The following MTCL1 variants were observed in gnomAD, a reference collection of about 807,000 sequenced individuals.
MTCL1 encodes the protein microtubule cross-linking factor 1.
Under a neutral mutation model 141.4 loss-of-function variants are expected in MTCL1, and 79 were observed. The observed-to-expected ratio is 0.56, with a 90% CI of 0.47 to 0.67. The LOEUF is 0.67. MTCL1 is among the 30% of genes least tolerant of loss of function. The pLI, the probability that MTCL1 is intolerant of heterozygous loss-of-function variation, is 0.00. For synonymous variants in MTCL1, 914 were observed against 875.8 expected (o/e 1.04, Z -0.77); for missense variants, 2,177 against 2,113.9 (o/e 1.03, Z -0.59).
intron 5 of MTCL1, chr18:8,782,207 TG>T (rs1330097825): frequency 6.6e-6 from 1 of 152,226 alleles, no homozygotes; most frequent in Non-Finnish European, 1.5e-5. Flanking sequence ...GGGGCTGACT[TG>T]TTCCACAGAA....
chr18:8,736,937 G>A (rs1043048528), intron 4 of MTCL1, among the ~76,000 whole-genome samples: 2 of 152,156 alleles, frequency 1.3e-5, no homozygotes, highest in Non-Finnish European at 2.9e-5. Flanking sequence ...ACTGCACCCG[G>A]CCTATCCATC....
At chr18:8,829,132 C>T (rs1398959776) in intron 16 of MTCL1, 1 of 985,346 alleles carries the variant, frequency 1.0e-6, no homozygotes, top group African/African-American at 1.7e-5. Context: ...TTGATAAGGC[C>T]AGAGACTCAT....
At chr18:8,789,285 A>C (rs1471262276) in intron 7 of MTCL1, 1 of 354,980 alleles carries the variant, frequency 2.8e-6, no homozygotes, top group Non-Finnish European at 3.9e-6. Context: ...TGTTGGCCTC[A>C]TGTACTGCTT....
chr18:8,714,546 A>C (rs1360061591), upstream of MTCL1, among the ~76,000 whole-genome samples: 1 of 152,194 alleles, frequency 6.6e-6, no homozygotes, highest in Non-Finnish European at 1.5e-5. Flanking sequence ...AAGACAAAGG[A>C]GGAGCAAAGA....
At chr18:8,829,489 CAG>C in intron 16 of MTCL1, 1 of 944,048 alleles carries the variant, frequency 1.1e-6, no homozygotes, top group Non-Finnish European at 1.3e-6. Flanking sequence ...CCGTGGGTGA[CAG>C]AGTAAATGCT....
At chr18:8,712,855 A>T (rs1207100032), upstream of MTCL1, among the ~76,000 whole-genome samples, 2 of 152,228 alleles carry the variant, frequency 1.3e-5, no homozygotes, top group African/African-American at 4.8e-5. Flanking sequence ...TTGCAGCAGT[A>T]GCCAGAGGAC....
In MTCL1 at chr18:8,830,680, A is replaced by G. The variant is rs1282857067; in HGVS notation, c.*19-927A>G. On this transcript the variant is annotated intron_variant, in intron 16 of 16. Coordinates refer to ENST00000359865, the Ensembl canonical transcript of MTCL1. This position sits in a 1 kb window ranked among gnomAD's most constrained non-coding sequence, Gnocchi z 6.4. ...TGTGCCTTCCATTCAGTTCACCTCA[A>G]GCTTCCAGTGTCTGAGTGTCATTCC... The G allele has an allele frequency of 1.0e-6, 1 of 985,446 alleles. No homozygotes were observed. 61.0% of individuals were successfully genotyped at this position (985,446 alleles called of 1,614,324 possible).
intron 2 of MTCL1, chr18:8,718,099 A>ATC: frequency 2.9e-6 from 2 of 687,116 alleles, no homozygotes; most frequent in South Asian, 3.0e-5. Context: ...GTTTGGTTTG[A>ATC]ATTGAAAGGT....
chr18:8,778,823 G>C (rs1050721512), intron 5 of MTCL1, among the ~76,000 whole-genome samples: 9 of 152,214 alleles, frequency 5.9e-5, no homozygotes, highest in Non-Finnish European at 1.3e-4. Flanking sequence ...CAGTTGACTG[G>C]CTCTTGCCCA....
exon 15 of MTCL1, chr18:8,825,324 C>T (rs1011237507): frequency 6.5e-6 from 10 of 1,538,650 alleles, no homozygotes; most frequent in Non-Finnish European, 7.9e-6. Context: ...CTCCCCACTG[C>T]ACAGCCTGGA....
At chr18:8,716,427 G>A (rs1469628870), upstream of MTCL1, among the ~76,000 whole-genome samples, 1 of 152,144 alleles carries the variant, frequency 6.6e-6, no homozygotes. Context: ...TTGTGTGCAG[G>A]TAAGGTTGAC....
chr18:8,786,128 C>T, intron 7 of MTCL1, 37 bp downstream of exon 6: 1 of 1,514,944 alleles, frequency 6.6e-7, no homozygotes, highest in Non-Finnish European at 8.9e-7. Flanking sequence ...CCCCGCCCTC[C>T]CCCTCCTTTT....
At chr18:8,803,408 A>G (rs1413514034) in intron 10 of MTCL1, among the ~76,000 whole-genome samples, 1 of 152,202 alleles carries the variant, frequency 6.6e-6, no homozygotes, top group Non-Finnish European at 1.5e-5. Context: ...ATGTTGGCAA[A>G]TAATTTAGTA....
In MTCL1 at chr18:8,785,978, C is replaced by T. The variant is rs760489391; in HGVS notation, c.1774C>T (p.Arg592Ter). 5 of 1,603,596 alleles carry T rather than the reference C, an allele frequency of 3.1e-6. No homozygotes were observed. Among genetic ancestry groups the T allele is most frequent in the Non-Finnish European group, 4.3e-6 (5 of 1,176,238 alleles). ...GCTGGAGTGGCAGCTCGGGCCGGCC[C>T]GAGGGGACGAGCGGGAGAGCCTGCG... The change falls in exon 7 of 17, where the codon CGA becomes TGA. Residue 592 changes from arginine to a stop codon, truncating the protein, a stop_gained. Transcript: ENST00000359865. LOFTEE classifies it high-confidence loss of function.
At chr18:8,827,110 C>T (rs1435289994) in intron 15 of MTCL1, among the ~76,000 whole-genome samples, 2 of 152,218 alleles carry the variant, frequency 1.3e-5, no homozygotes, top group African/African-American at 4.8e-5. Flanking sequence ...ACAGGCTTCA[C>T]ACTGGGAACA....
chr18:8,800,122 C>G (rs115936047), intron 10 of MTCL1, among the ~76,000 whole-genome samples: 6 of 152,198 alleles, frequency 3.9e-5, no homozygotes, highest in East Asian at 1.9e-4. Flanking sequence ...TCTACTGTAA[C>G]GACAGCTGGT....
chr18:8,707,023 G>A (rs2148735757), intron 1 of MTCL1: 1 of 291,590 alleles, frequency 3.4e-6, no homozygotes, highest in Non-Finnish European at 6.4e-6. Flanking sequence ...TCGTTTTGGG[G>A]ACATCAGCGG....
intron 4 of MTCL1, among the ~76,000 whole-genome samples, chr18:8,723,981 G>T (rs1045541455): frequency 6.6e-6 from 1 of 152,166 alleles, no homozygotes; most frequent in African/African-American, 2.4e-5. Context: ...GTTTCCTGGG[G>T]CTGGGGAGAG....
At chr18:8,797,791 A>G (rs2075977542) in intron 9 of MTCL1, among the ~76,000 whole-genome samples, 1 of 152,236 alleles carries the variant, frequency 6.6e-6, no homozygotes, top group African/African-American at 2.4e-5. Flanking sequence ...CCTGTTGATC[A>G]GTACTCTGGA....
Sources: allele counts gnomAD v4.1 joint callset (sites outside exome capture counted in the v4.1 genomes callset), GRCh38; gene constraint gnomAD v4.1.1; non-coding constraint Gnocchi (gnomAD v3.1); transcripts MANE v1.5; gene names NCBI Gene and HGNC (gene_info 2026-07-23, HGNC 2026-07-21).